MAP4K5: variants seen among roughly 807,000 people sequenced by gnomAD.
The protein encoded by MAP4K5 is MAPK/ERK kinase kinase kinase 5.
A neutral mutation model predicts 135.6 loss-of-function variants in MAP4K5; 82 were observed. That is an observed-to-expected ratio of 0.60 (90% confidence interval 0.51 to 0.73). MAP4K5 has a LOEUF of 0.73. Among genes scored for constraint, MAP4K5 ranks in the 30% least tolerant of loss-of-function variants. MAP4K5 has a pLI of 0.00. For synonymous variants in MAP4K5, 347 were observed against 335.0 expected (o/e 1.04, Z -0.39); for missense variants, 907 against 1,010.9 (o/e 0.90, Z 1.39).
intron 6 of MAP4K5, among the ~76,000 whole-genome samples, chr14:50,481,261 A>C (rs1443864468): frequency 6.6e-6 from 1 of 150,656 alleles, no homozygotes; most frequent in African/African-American, 2.4e-5. Flanking sequence ...ATATACACAC[A>C]CATACGTACA....
intron 2 of MAP4K5, among the ~76,000 whole-genome samples, chr14:50,517,359 C>T (rs569213734): frequency 6.6e-6 from 1 of 151,778 alleles, no homozygotes; most frequent in Non-Finnish European, 1.5e-5. Flanking sequence ...ACCATGTTGG[C>T]CAGGCTGGTC....
In MAP4K5 at chr14:50,501,884, A is replaced by C. The variant is rs924950071; in HGVS notation, c.166+2916T>G. ...CTGGAATTCAAGTTCCGTGAGAACA[A>C]GGTCTTTGCCTTTTTGTTCTCTTCT... On this transcript the variant is annotated intron_variant, in intron 3 of 32. Transcript: ENST00000682126. Among the ~76,000 whole-genome samples, 4 of 152,308 alleles carry C rather than the reference A, an allele frequency of 2.6e-5. No individual in the cohort carries two copies. In the South Asian group the frequency reaches 8.3e-4, roughly 32 times the overall value.
intron 2 of MAP4K5, among the ~76,000 whole-genome samples, chr14:50,505,558 C>T (rs1286952377): frequency 6.6e-6 from 1 of 152,142 alleles, no homozygotes; most frequent in African/African-American, 2.4e-5. Context: ...AACAAACTTA[C>T]TATAATTAGC....
At position 50,437,562 on chromosome 14, in the gene MAP4K5, C is replaced by T. The variant is rs139719107; in HGVS notation, c.1824-28G>A. ...GAAAACGTAAGACGATATAAATGCA[C>T]TCTACAGTAGTGGTTACAACACAAT... On this transcript the variant is annotated intron_variant, in intron 25 of 32. Transcript: ENST00000682126. 1.2e-4 allele frequency: 180 copies of T among 1,467,272 alleles called. No homozygotes were observed. In the Middle Eastern group the frequency reaches 1.6e-3, roughly 13 times the overall value. The allele number at this position is 1,467,272 out of a possible 1,614,324, so 90.9% of individuals were successfully genotyped here.
intron 2 of MAP4K5, among the ~76,000 whole-genome samples, chr14:50,506,808 A>C (rs2037819435): frequency 6.6e-6 from 1 of 152,142 alleles, no homozygotes; most frequent in Non-Finnish European, 1.5e-5. Context: ...CTTCTCTCCT[A>C]ACTACGAACA....
Position 50,546,438 on chromosome 14 carries a change from T to C in MAP4K5, c.-179-3854A>G, listed in dbSNP as rs1411860230. On this transcript the variant is annotated intron_variant, in intron 1 of 8. Coordinates refer to the MAP4K5 transcript ENST00000555216. ...TGTTTATATGTATGTACATGTGTTA[T>C]ATGTTATGTCTGACATGCTACCAAC... Among the ~76,000 whole-genome samples the C allele has an allele frequency of 1.6e-4, 25 of 152,156 alleles. 1 individual carries two copies.
In MAP4K5 at chr14:50,539,549, G is replaced by A. The variant is rs368292834; in HGVS notation, c.-94+2950C>T. On this transcript the variant is annotated intron_variant, in intron 2 of 8. Transcript: ENST00000555216. ...TTAATTAAACGTGAGACCCAGTTCT[G>A]TTATGCTAAAGTAAGGGCACTGGTG... Among the ~76,000 whole-genome samples, 5 of 152,324 alleles carry A rather than the reference G, an allele frequency of 3.3e-5. No individual in the cohort carries two copies. In the East Asian group the frequency reaches 9.6e-4, roughly 29 times the overall value.
chr14:50,447,566 C>T, intron 15 of MAP4K5, 85 bp from the exon 16 acceptor site: 1 of 720,722 alleles, frequency 1.4e-6, no homozygotes, highest in Non-Finnish European at 2.3e-6. Flanking sequence ...ATTCCAGTGT[C>T]ATGATTATTA....
chr14:50,489,301 T>C (rs1343256320), intron 3 of MAP4K5, among the ~76,000 whole-genome samples: 1 of 152,148 alleles, frequency 6.6e-6, no homozygotes, highest in African/African-American at 2.4e-5. Context: ...TGAGCTATAA[T>C]CACGCCACTG....
chr14:50,480,056 T>A (rs1407929294), intron 6 of MAP4K5, among the ~76,000 whole-genome samples: 1 of 152,216 alleles, frequency 6.6e-6, no homozygotes, highest in African/African-American at 2.4e-5. Flanking sequence ...TAAATCTACT[T>A]CTTGTTACCT....
At chr14:50,510,323 G>A (rs1377847288) in intron 2 of MAP4K5, among the ~76,000 whole-genome samples, 1 of 152,104 alleles carries the variant, frequency 6.6e-6, no homozygotes, top group Non-Finnish European at 1.5e-5. Context: ...ATTCTGGTAC[G>A]TTCTCCTTTC....
chr14:50,438,893 AT>A (rs1406819283), intron 23 of MAP4K5, among the ~76,000 whole-genome samples: 1 of 152,090 alleles, frequency 6.6e-6, no homozygotes, highest in African/African-American at 2.4e-5. Flanking sequence ...ACCCTGTGTA[AT>A]TTTTAAGCTT....
At chr14:50,423,094 A>G in intron 32 of MAP4K5, 27 bp downstream of exon 32, 1 of 1,232,900 alleles carries the variant, frequency 8.1e-7, no homozygotes, top group Non-Finnish European at 1.2e-6. Context: ...TCCTTTGGTA[A>G]TTAAATTAAT....
chr14:50,422,466 C>A (rs2035755387), intron 32 of MAP4K5, among the ~76,000 whole-genome samples: 1 of 151,810 alleles, frequency 6.6e-6, no homozygotes, highest in Non-Finnish European at 1.5e-5. Flanking sequence ...TAATGCATAC[C>A]ACTATAGCCA....
rs897456381 is a variant in MAP4K5, at chr14:50,467,874, G to A, written c.674+777C>T. ...ATAAACCTTAATCTATTTTTTGCTT[G>A]TAGTCTTTGAATGATTTCCTTATAT... On this transcript the variant is annotated intron_variant, in intron 10 of 32. Coordinates refer to ENST00000682126, the MANE Select transcript of MAP4K5 (RefSeq NM_006575.6). Among the ~76,000 whole-genome samples the A allele has an allele frequency of 5.3e-5, 8 of 151,956 alleles. No homozygotes were observed. In the South Asian group the frequency reaches 8.3e-4, roughly 16 times the overall value.
chr14:50,556,157 T>C (rs1407747528), intron 1 of MAP4K5, among the ~76,000 whole-genome samples: 3 of 152,220 alleles, frequency 2.0e-5, no homozygotes, highest in Non-Finnish European at 4.4e-5. Context: ...TTAAAAACAT[T>C]TGTATTTTAA....
chr14:50,534,747 G>A (rs2038471938), upstream of MAP4K5, among the ~76,000 whole-genome samples: 1 of 152,180 alleles, frequency 6.6e-6, no homozygotes, highest in Non-Finnish European at 1.5e-5. Flanking sequence ...TGCAATTCAT[G>A]CAAAGAGGAA....
chr14:50,508,665 T>C (rs1434593112), intron 2 of MAP4K5, among the ~76,000 whole-genome samples: 3 of 151,646 alleles, frequency 2.0e-5, no homozygotes, highest in Non-Finnish European at 4.4e-5. Flanking sequence ...TGTATACATA[T>C]GTAACAAATC....
At chr14:50,464,565 A>G (rs2036788451) in intron 11 of MAP4K5, among the ~76,000 whole-genome samples, 1 of 152,148 alleles carries the variant, frequency 6.6e-6, no homozygotes, top group Non-Finnish European at 1.5e-5. Context: ...AATTTCTTAG[A>G]AAAAAAGGCA....
Sources: gnomAD v4.1 joint callset for allele counts (sites outside exome capture counted in the v4.1 genomes callset) on GRCh38, gnomAD v4.1.1 for gene constraint, MANE v1.5 for transcripts, NCBI Gene and HGNC (gene_info 2026-07-23, HGNC 2026-07-21) for gene names.